The following PTPRR variants were observed in gnomAD, a reference collection of about 807,000 sequenced individuals.
The protein encoded by PTPRR is receptor-type tyrosine-protein phosphatase R.
A neutral mutation model predicts 77.2 loss-of-function variants in PTPRR; 38 were observed. The ratio of observed to expected loss-of-function variants is 0.49; its 90% confidence interval spans 0.38 to 0.65. The LOEUF (loss-of-function observed/expected upper bound fraction) is 0.65. Among genes scored for constraint, PTPRR ranks in the 30% least tolerant of loss-of-function variants. PTPRR has a pLI of 0.00. For missense variants in PTPRR, 744 were observed against 799.2 expected (o/e 0.93, Z 0.83); for synonymous variants, 299 against 283.1 (o/e 1.06, Z -0.57).
chr12:70,774,705 T>TA (rs1261216131), intron 2 of PTPRR, among the ~76,000 whole-genome samples: 8 of 152,164 alleles, frequency 5.3e-5, no homozygotes, highest in Admixed American at 6.5e-5. Flanking sequence ...TACAAACAGA[T>TA]ATCTATGTAT....
intron 13 of PTPRR, among the ~76,000 whole-genome samples, chr12:70,647,479 A>G (rs1886243261): frequency 6.6e-6 from 1 of 152,232 alleles, no homozygotes; most frequent in Non-Finnish European, 1.5e-5. Flanking sequence ...GAGACACTGC[A>G]TCTCTCATGC....
intron 6 of PTPRR, among the ~76,000 whole-genome samples, chr12:70,741,972 T>C (rs1390117079): frequency 1.3e-5 from 2 of 152,042 alleles, no homozygotes; most frequent in Non-Finnish European, 2.9e-5. Flanking sequence ...CTAACAGTGG[T>C]TTGGATACAA....
At chr12:70,805,774 C>T (rs1290323637) in intron 2 of PTPRR, among the ~76,000 whole-genome samples, 4 of 152,140 alleles carry the variant, frequency 2.6e-5, no homozygotes, top group Admixed American at 6.6e-5. Context: ...TGAGGAAATT[C>T]GGATGCATTG....
intron 10 of PTPRR, among the ~76,000 whole-genome samples, chr12:70,663,842 T>A (rs1886882473): frequency 6.6e-6 from 1 of 152,194 alleles, no homozygotes; most frequent in African/African-American, 2.4e-5. Context: ...AACCTTTTAA[T>A]ACCCAGGACA....
chr12:70,719,651 C>A (rs1889171400), intron 6 of PTPRR, among the ~76,000 whole-genome samples: 1 of 152,136 alleles, frequency 6.6e-6, no homozygotes, highest in South Asian at 2.1e-4. Context: ...GATAAAAGGC[C>A]TTCCGATGGA....
chr12:70,803,877 T>C (rs1891660727), intron 2 of PTPRR, among the ~76,000 whole-genome samples: 1 of 152,150 alleles, frequency 6.6e-6, no homozygotes, highest in Non-Finnish European at 1.5e-5. Context: ...TGCTTGTGTA[T>C]ATGCCTGCAT....
intron 6 of PTPRR, among the ~76,000 whole-genome samples, chr12:70,705,417 A>C (rs1404341657): frequency 1.3e-5 from 2 of 152,110 alleles, no homozygotes; most frequent in African/African-American, 4.8e-5. Context: ...TCTAATTCTC[A>C]GACATGCTAC....
In PTPRR at chr12:70,702,769, G is replaced by A. The variant is rs1592687285; in HGVS notation, c.1008-1446C>T. ...AATTTGATGGATATCTGTAAGTTTA[G>A]ACATTTATTTTCCTTATAATTTCTA... On this transcript the variant is annotated intron_variant, in intron 6 of 13. Transcript: ENST00000283228. Among the ~76,000 whole-genome samples, 6 of 152,194 alleles carry A rather than the reference G, an allele frequency of 3.9e-5. No individual in the cohort carries two copies. The South Asian group carries it at 1.2e-3, about 32-fold the overall frequency.
chr12:70,685,574 C>T (rs1043304851), intron 8 of PTPRR, among the ~76,000 whole-genome samples: 8 of 151,568 alleles, frequency 5.3e-5, no homozygotes, highest in African/African-American at 1.2e-4. Context: ...TGCTTGAACC[C>T]GAAAGGCCAA....
chr12:70,773,558 G>A (rs1356326654), intron 2 of PTPRR, among the ~76,000 whole-genome samples: 2 of 152,102 alleles, frequency 1.3e-5, no homozygotes, highest in Non-Finnish European at 2.9e-5. Context: ...GAGGTGGCTT[G>A]GCAGATGGAG....
At chr12:70,712,182 C>A (rs1484566927) in intron 6 of PTPRR, among the ~76,000 whole-genome samples, 2 of 151,854 alleles carry the variant, frequency 1.3e-5, no homozygotes, top group Admixed American at 1.3e-4. Context: ...AAAGTATCAT[C>A]AGTCTTCAGG....
At chr12:70,746,285 C>T (rs1890213247) in intron 5 of PTPRR, among the ~76,000 whole-genome samples, 199 bp from the exon 6 acceptor site, 1 of 152,060 alleles carries the variant, frequency 6.6e-6, no homozygotes, top group Admixed American at 6.6e-5. Context: ...TCCAGTTATG[C>T]TGCACATATG....
intron 2 of PTPRR, among the ~76,000 whole-genome samples, chr12:70,874,067 C>A (rs1399351898): frequency 4.6e-5 from 7 of 152,096 alleles, no homozygotes; most frequent in Non-Finnish European, 8.8e-5. Flanking sequence ...AGAACTCAAG[C>A]CTTTTAACTG....
Position 70,754,545 on chromosome 12 carries a change from G to A in PTPRR, c.628-244C>T, listed in dbSNP as rs1243840591. The A allele has an allele frequency of 5.0e-6, 8 of 1,593,380 alleles. No individual in the cohort carries two copies. In the South Asian group the frequency reaches 5.5e-5, roughly 11 times the overall value. On this transcript the variant is annotated intron_variant, in intron 4 of 13. Transcript: ENST00000283228. Reference sequence around the variant, plus strand: ...CCTGACATGGCATCTGCAGGTCCCAGGCTTTCTAAACATCCCTCAGCGTCT... The same window carrying A: ...CCTGACATGGCATCTGCAGGTCCCAAGCTTTCTAAACATCCCTCAGCGTCT...
rs532767797 is a variant in PTPRR at position 70,781,155 on chromosome 12, C to G, written c.358-16377G>C. 3.3e-4 allele frequency among the ~76,000 whole-genome samples: 51 copies of G among 152,298 alleles called. 4 individuals carry two copies. The highest frequency in any genetic ancestry group is 2.1e-4 in the South Asian group (1 of 4,824). On this transcript the variant is annotated intron_variant, in intron 2 of 13. Transcript: ENST00000283228. ...CTACGTCTTTTTCAGGCAGGAGAGA[C>G]AGCTGCTATGTCTTGGTCCACTAAA...
At chr12:70,828,055 T>C (rs576227588) in intron 2 of PTPRR, among the ~76,000 whole-genome samples, 18 of 152,260 alleles carry the variant, frequency 1.2e-4, no homozygotes, top group African/African-American at 4.3e-4. Context: ...ATCCCGGTCA[T>C]GAAGGTTCTG....
chr12:70,719,288 G>C (rs1157747983), intron 6 of PTPRR, among the ~76,000 whole-genome samples: 3 of 152,000 alleles, frequency 2.0e-5, no homozygotes, highest in African/African-American at 7.2e-5. Context: ...CTGCCAATTC[G>C]CTCCTAGGCT....
intron 12 of PTPRR, among the ~76,000 whole-genome samples, chr12:70,659,638 G>C (rs917586207): frequency 6.6e-6 from 1 of 152,076 alleles, no homozygotes; most frequent in Non-Finnish European, 1.5e-5. Context: ...TAGTCAGTTA[G>C]GCTGTTTTTT....
rs73341042 is a variant in PTPRR at position 70,738,797 on chromosome 12, C to G, written c.1007+7021G>C. On this transcript the variant is annotated intron_variant, in intron 6 of 13. Transcript: ENST00000283228. ...AACATGAACTAACTGTGGCCTCACA[C>G]TGTGCCAGCCATGTGACATTTGTCA... Among the ~76,000 whole-genome samples the G allele has an allele frequency of 7.7e-3, 1,168 of 152,332 alleles. 18 individuals are homozygous for G. The highest frequency in any genetic ancestry group is 0.026 in the African/African-American group (1,099 of 41,574).
Sources: gnomAD v4.1 joint callset for allele counts (sites outside exome capture counted in the v4.1 genomes callset) on GRCh38, gnomAD v4.1.1 for gene constraint, MANE v1.5 for transcripts, NCBI Gene and HGNC (gene_info 2026-07-23, HGNC 2026-07-21) for gene names.